Variants in PLXNC1 observed in about 807,000 individuals in gnomAD.
PLXNC1 encodes plexin C1, also known as plexin-C1.
Under a neutral mutation model 178.2 loss-of-function variants are expected in PLXNC1, and 75 were observed. That is an observed-to-expected ratio of 0.42 (90% CI 0.35 to 0.51). The LOEUF is 0.51. PLXNC1 is among the 20% of genes least tolerant of loss of function. The pLI, the probability that PLXNC1 is intolerant of heterozygous loss-of-function variation, is 0.02. For synonymous variants in PLXNC1, 790 were observed against 779.9 expected, an observed-to-expected ratio of 1.01 and a Z score of -0.22; for missense variants, 1,503 against 1,984.4, an observed-to-expected ratio of 0.76 and a Z score of 4.61.
chr12:94,236,389 G>A (rs766112251), intron 9 of PLXNC1, among the ~76,000 whole-genome samples: 2 of 152,208 alleles, frequency 1.3e-5, no homozygotes, highest in Non-Finnish European at 2.9e-5. Flanking sequence ...AGCCCCTGTA[G>A]CCCAGCAATG....
At chr12:94,179,160 A>C (rs1168609058) in intron 2 of PLXNC1, among the ~76,000 whole-genome samples, 1 of 152,234 alleles carries the variant, frequency 6.6e-6, no homozygotes, top group Non-Finnish European at 1.5e-5. Context: ...CCTTTGGCTA[A>C]ACAGCAAATC....
chr12:94,291,083 G>C (rs969714833), intron 23 of PLXNC1, among the ~76,000 whole-genome samples: 1 of 152,226 alleles, frequency 6.6e-6, no homozygotes, highest in African/African-American at 2.4e-5. Context: ...GTGTGGGGGA[G>C]GGGCACTGTA....
chr12:94,205,988 T>C (rs1418171466), intron 4 of PLXNC1, among the ~76,000 whole-genome samples: 2 of 152,230 alleles, frequency 1.3e-5, no homozygotes, highest in Non-Finnish European at 2.9e-5. Flanking sequence ...TGTACTTCTC[T>C]GAGCTTCTGT....
At chr12:94,212,864 C>CAT in intron 5 of PLXNC1, among the ~76,000 whole-genome samples, 1 of 151,540 alleles carries the variant, frequency 6.6e-6, no homozygotes, top group South Asian at 2.1e-4. Context: ...GGACTACAGG[C>CAT]GCCCACCACT....
chr12:94,156,704 C>CT (rs1209546709), intron 1 of PLXNC1, among the ~76,000 whole-genome samples: 2,116 of 129,916 alleles, frequency 0.016, 79 homozygotes, highest in South Asian at 0.043. Flanking sequence ...TGGAAACTTT[C>CT]TTTCTTTTTT....
intron 10 of PLXNC1, 32 bp from the exon 11 acceptor site, chr12:94,240,453 C>T: frequency 1.3e-6 from 2 of 1,556,226 alleles, no homozygotes; most frequent in Non-Finnish European, 1.8e-6. Context: ...GTGTCTGTGT[C>T]ATGTGAGAGT....
Position 94,215,458 on chromosome 12 carries a change from G to A in PLXNC1, c.1555-4558G>A, listed in dbSNP as rs552557120. On this transcript the variant is annotated intron_variant, in intron 5 of 30. Coordinates refer to ENST00000258526, the MANE Select transcript of PLXNC1 (RefSeq NM_005761.3). ...TTAAAATTAATATAAAATTCATCTG[G>A]AATATCATGAGCTGATCAAGAATAT... Among the ~76,000 whole-genome samples, 5 of 150,854 alleles carry A rather than the reference G, an allele frequency of 3.3e-5. No individual in the cohort carries two copies. In the South Asian group the frequency reaches 1.0e-3, roughly 31 times the overall value.
intron 2 of PLXNC1, among the ~76,000 whole-genome samples, chr12:94,172,951 A>G (rs1008878783): frequency 2.0e-5 from 3 of 152,142 alleles, no homozygotes; most frequent in Non-Finnish European, 2.9e-5. Context: ...GGGAAATAGA[A>G]GGAATTTAGA....
intron 5 of PLXNC1, among the ~76,000 whole-genome samples, chr12:94,214,089 CT>C (rs35305672): frequency 0.63 from 89,094 of 141,172 alleles, 28,533 homozygotes; most frequent in Middle Eastern, 0.74. Flanking sequence ...ACACTAGAAA[CT>C]TTTTTTTTTT....
chr12:94,177,837 T>C (rs923638179), intron 2 of PLXNC1, among the ~76,000 whole-genome samples: 1 of 152,218 alleles, frequency 6.6e-6, no homozygotes, highest in African/African-American at 2.4e-5. Context: ...TGGTGTAAAG[T>C]ATGTTTTTAC....
At chr12:94,177,147 GTGTA>G (rs1962092625) in intron 2 of PLXNC1, among the ~76,000 whole-genome samples, 5 of 78,788 alleles carry the variant, frequency 6.3e-5, no homozygotes, top group African/African-American at 1.4e-4. Context: ...ATGTGTGTGT[GTGTA>G]TATATATATG....
intron 22 of PLXNC1, among the ~76,000 whole-genome samples, chr12:94,280,441 C>G (rs1381694523): frequency 6.6e-6 from 1 of 152,180 alleles, no homozygotes; most frequent in Non-Finnish European, 1.5e-5. Flanking sequence ...TTAAAATCCT[C>G]CCACTCGGCC....
At chr12:94,201,060 C>G (rs571283183) in intron 4 of PLXNC1, among the ~76,000 whole-genome samples, 1 of 152,310 alleles carries the variant, frequency 6.6e-6, no homozygotes, top group Admixed American at 6.5e-5. Context: ...GGGCCAAGTC[C>G]TGTACTAGGC....
Position 94,298,714 on chromosome 12 carries a change from A to G in PLXNC1, c.4157A>G (p.Tyr1386Cys). 6.2e-7 allele frequency: 1 copy of G among 1,613,298 alleles called. No homozygotes were observed. The highest frequency in any genetic ancestry group is 8.5e-7 in the Non-Finnish European group (1 of 1,179,798). Residue 1386 changes from tyrosine to cysteine, a missense_variant, in exon 27 of 31, where the codon TAC (tyrosine) becomes TGC (cysteine). Tyr to Cys is a radical substitution (Grantham distance 194, BLOSUM62 -2). This residue lies in a region of PLXNC1 where 639 missense variants were observed against 979.7 expected (regional missense o/e 0.65). Transcript: ENST00000258526. ...PNSRAPFAIKYFFDFLDAQAE... is the reference protein window; with the variant it reads ...PNSRAPFAIKCFFDFLDAQAE... Reference sequence around the variant, plus strand: ...AGCAGAGCTCCATTTGCTATAAAATACTTTTTTGACTTTTTGGACGCCCAG... The same window carrying G: ...AGCAGAGCTCCATTTGCTATAAAATGCTTTTTTGACTTTTTGGACGCCCAG...
At chr12:94,175,744 C>A (rs1373629186) in intron 2 of PLXNC1, among the ~76,000 whole-genome samples, 1 of 152,220 alleles carries the variant, frequency 6.6e-6, no homozygotes, top group African/African-American at 2.4e-5. Flanking sequence ...ATCTACTGGG[C>A]ACCTTGTATG....
At chr12:94,173,862 G>T (rs181486587) in intron 2 of PLXNC1, among the ~76,000 whole-genome samples, 1 of 152,192 alleles carries the variant, frequency 6.6e-6, no homozygotes, top group Non-Finnish European at 1.5e-5. Context: ...ACCCAGCTGA[G>T]TGCAGAGCCC....
At chr12:94,237,600 A>AT (rs796088485) in intron 9 of PLXNC1, 64 bp from the exon 10 acceptor site, 3 of 1,481,968 alleles carry the variant, frequency 2.0e-6, no homozygotes, top group Non-Finnish European at 9.3e-7. Context: ...GTATAAACAG[A>AT]TTTTTTTGGA....
At chr12:94,189,693 A>T (rs1693693338) in intron 4 of PLXNC1, among the ~76,000 whole-genome samples, 1 of 147,944 alleles carries the variant, frequency 6.8e-6, no homozygotes, top group Admixed American at 6.8e-5. Context: ...AAAAAAAAAA[A>T]TTGTTGGAAC....
At chr12:94,216,229 T>TTG in intron 5 of PLXNC1, among the ~76,000 whole-genome samples, 1 of 151,316 alleles carries the variant, frequency 6.6e-6, no homozygotes, top group African/African-American at 2.4e-5. Flanking sequence ...GATCGTGCCA[T>TTG]TGCGCTCTAG....
Sources: allele counts gnomAD v4.1 joint callset (sites outside exome capture counted in the v4.1 genomes callset), GRCh38; gene constraint gnomAD v4.1.1; regional missense constraint gnomAD v4.1.1; transcripts MANE v1.5; gene names NCBI Gene and HGNC (gene_info 2026-07-23, HGNC 2026-07-21).